The following ST7 variants were observed in gnomAD, a reference collection of about 807,000 sequenced individuals.
ST7 encodes suppression of tumorigenicity 7.
A neutral mutation model predicts 78.7 loss-of-function variants in ST7; 28 were observed. The observed-to-expected ratio is 0.36, with a 90% confidence interval of 0.26 to 0.49. The LOEUF (loss-of-function observed/expected upper bound fraction) is 0.49, where lower values mean the gene tolerates loss of function less well. ST7 is among the 20% of genes least tolerant of loss of function. The probability of loss-of-function intolerance (pLI) is 0.99; values close to 1 mark genes in which losing one functional copy is unlikely to be tolerated. For missense variants in ST7, 418 were observed against 696.0 expected, an observed-to-expected ratio of 0.60 and a Z score of 4.49; for synonymous variants, 247 against 249.6, an observed-to-expected ratio of 0.99 and a Z score of 0.10.
rs1476265031 is a variant in ST7 at position 117,229,989 on chromosome 7, T to A, written c.*132T>A. 5 of 836,176 alleles carry A rather than the reference T, an allele frequency of 6.0e-6. No homozygotes were observed. The East Asian group carries it at 1.2e-4, about 21-fold the overall frequency. 51.8% of individuals were successfully genotyped at this position (836,176 alleles called of 1,614,324 possible). On this transcript the variant is annotated 3_prime_UTR_variant, in exon 16 of 16. Transcript: ENST00000323984. The stretch of plus-strand genomic sequence containing the variant: ...CCGAGATTTTAAAATGTTCATGGAC[T>A]ATTCCATATTAAAAGCTGTTTTTGT...
chr7:117,218,544 T>C (rs779114993), intron 13 of ST7, among the ~76,000 whole-genome samples: 2 of 152,262 alleles, frequency 1.3e-5, no homozygotes, highest in Non-Finnish European at 2.9e-5. Context: ...TAATAAAGTT[T>C]AGAAACACCT....
intron 12 of ST7, among the ~76,000 whole-genome samples, chr7:117,208,054 C>T (rs1203413592): frequency 6.6e-6 from 1 of 151,832 alleles, no homozygotes; most frequent in Non-Finnish European, 1.5e-5. Flanking sequence ...CAGGTAACTC[C>T]GAACATAAAA....
At chr7:117,223,138 G>A in intron 15 of ST7, 1 of 626,264 alleles carries the variant, frequency 1.6e-6, no homozygotes, top group South Asian at 1.9e-5. Context: ...TTCACAATCT[G>A]TCAGTTCTAA....
intron 12 of ST7, among the ~76,000 whole-genome samples, chr7:117,204,947 A>T (rs1417977014): frequency 1.3e-5 from 2 of 152,242 alleles, no homozygotes; most frequent in Admixed American, 1.3e-4. Flanking sequence ...TATGCCTTAT[A>T]GTCCCAGTAA....
chr7:117,071,498 C>T (rs1417811774), intron 1 of ST7, among the ~76,000 whole-genome samples: 1 of 152,200 alleles, frequency 6.6e-6, no homozygotes, highest in Admixed American at 6.5e-5. Flanking sequence ...ATCTTTCCAG[C>T]TCAAACATGT....
intron 1 of ST7, among the ~76,000 whole-genome samples, chr7:116,978,522 G>A (rs190514038): frequency 5.3e-5 from 8 of 152,270 alleles, no homozygotes; most frequent in Non-Finnish European, 1.2e-4. Context: ...GACAAAGATA[G>A]GGCACTATAT....
intron 1 of ST7, chr7:117,015,094 A>G (rs1554425871): frequency 1.4e-6 from 1 of 723,792 alleles, no homozygotes; most frequent in Non-Finnish European, 2.0e-6. Flanking sequence ...TTTAAAAACT[A>G]CATTGATTGT....
intron 1 of ST7, among the ~76,000 whole-genome samples, chr7:117,002,112 C>A (rs1300254737): frequency 1.3e-5 from 2 of 152,008 alleles, no homozygotes; most frequent in Non-Finnish European, 2.9e-5. Flanking sequence ...CCTATAGTCC[C>A]AGCTACTCGG....
At chr7:117,058,617 T>C (rs540543656) in intron 1 of ST7, among the ~76,000 whole-genome samples, 3 of 152,324 alleles carry the variant, frequency 2.0e-5, no homozygotes, top group African/African-American at 7.2e-5. Flanking sequence ...TTCATATCCA[T>C]CCTGTGTTTT....
chr7:117,090,109 A>C (rs1800486460), intron 1 of ST7, among the ~76,000 whole-genome samples: 1 of 152,322 alleles, frequency 6.6e-6, no homozygotes, highest in African/African-American at 2.4e-5. Flanking sequence ...AGGGTTCTAC[A>C]TAGCCATAGT....
chr7:117,080,230 A>G (rs1036459987), intron 1 of ST7, among the ~76,000 whole-genome samples: 3 of 151,964 alleles, frequency 2.0e-5, no homozygotes, highest in Admixed American at 2.0e-4. Flanking sequence ...TCCGCTTGTC[A>G]TTCCATTTTT....
chr7:116,961,555 C>CGCGTGTGTGTGTGT, intron 1 of ST7, among the ~76,000 whole-genome samples: 1 of 138,522 alleles, frequency 7.2e-6, no homozygotes, highest in African/African-American at 2.7e-5. Context: ...TGTATTCCTA[C>CGCGTGTGTGTGTGT]GTGTGTGTGT....
At chr7:116,995,435 A>G (rs909524911) in intron 1 of ST7, among the ~76,000 whole-genome samples, 1 of 152,212 alleles carries the variant, frequency 6.6e-6, no homozygotes, top group Non-Finnish European at 1.5e-5. Context: ...GTGAAATACC[A>G]AGTGAGGAGA....
chr7:116,967,928 G>A (rs1464457466), intron 1 of ST7, among the ~76,000 whole-genome samples: 1 of 152,118 alleles, frequency 6.6e-6, no homozygotes, highest in Non-Finnish European at 1.5e-5. Context: ...TATGTCCTCT[G>A]TAGGTTTTCT....
intron 1 of ST7, among the ~76,000 whole-genome samples, chr7:117,048,996 G>A (rs1398251915): frequency 1.3e-5 from 2 of 152,292 alleles, no homozygotes; most frequent in East Asian, 3.9e-4. Context: ...TTTATTGACA[G>A]GTACTTCCTG....
At chr7:117,111,323 T>C (rs1230986426) in intron 2 of ST7, among the ~76,000 whole-genome samples, 2 of 152,156 alleles carry the variant, frequency 1.3e-5, no homozygotes, top group Non-Finnish European at 2.9e-5. Flanking sequence ...GAGCCTGCCA[T>C]GGACATTTAA....
intron 13 of ST7, among the ~76,000 whole-genome samples, chr7:117,217,953 A>G (rs1237480516): frequency 6.6e-6 from 1 of 152,222 alleles, no homozygotes; most frequent in African/African-American, 2.4e-5. Context: ...AATAAATACC[A>G]TATGTGCACT....
Position 117,038,383 on chromosome 7 carries a change from A to AT in ST7, c.152-61371dup, listed in dbSNP as rs59679297. Among the ~76,000 whole-genome samples the AT allele has an allele frequency of 3.7e-4, 56 of 152,100 alleles. No individual in the cohort carries two copies. In the East Asian group the frequency reaches 8.3e-3, roughly 23 times the overall value. On this transcript the variant is annotated intron_variant, in intron 1 of 15. Coordinates refer to ENST00000323984, the MANE Select transcript of ST7 (RefSeq NM_001369598.1). ...TTTAATCTTTCCAGTGTCTAAAGCA[A>AT]TTTTTTTTAACATGTCAGAGTTCAT...
At chr7:116,996,000 G>A (rs1585112351) in intron 1 of ST7, among the ~76,000 whole-genome samples, 1 of 151,522 alleles carries the variant, frequency 6.6e-6, no homozygotes, top group Non-Finnish European at 1.5e-5. Context: ...TTAGACTAGA[G>A]TTCCTACCCC....
Sources: gnomAD v4.1 joint callset for allele counts (sites outside exome capture counted in the v4.1 genomes callset) on GRCh38, gnomAD v4.1.1 for gene constraint, MANE v1.5 for transcripts, NCBI Gene and HGNC (gene_info 2026-07-23, HGNC 2026-07-21) for gene names.